Variants in UBE2W observed in about 807,000 individuals in gnomAD.
UBE2W encodes the protein ubiquitin conjugating enzyme E2 W, also known as ubiquitin-conjugating enzyme E2 W.
A neutral mutation model predicts 27.2 loss-of-function variants in UBE2W; 18 were observed. The ratio of observed to expected loss-of-function variants is 0.66; its 90% CI spans 0.46 to 0.98. The LOEUF is 0.98. Among genes scored for constraint, UBE2W ranks in the 50% least tolerant of loss-of-function variants. The pLI, the probability that UBE2W is intolerant of heterozygous loss-of-function variation, is 0.00. For synonymous variants in UBE2W, 53 were observed against 57.2 expected (o/e 0.93, Z 0.33); for missense variants, 90 against 180.2 (o/e 0.50, Z 2.87).
chr8:73,808,174 C>G (rs1808998179), intron 4 of UBE2W, among the ~76,000 whole-genome samples: 1 of 152,170 alleles, frequency 6.6e-6, no homozygotes, highest in South Asian at 2.1e-4. Context: ...ACCATGTCCA[C>G]TACGGAATAA....
At chr8:73,818,967 A>T (rs1408110178) in intron 3 of UBE2W, among the ~76,000 whole-genome samples, 1 of 152,206 alleles carries the variant, frequency 6.6e-6, no homozygotes, top group Non-Finnish European at 1.5e-5. Flanking sequence ...AGGTCTTTAT[A>T]GCAGTACAAA....
intron 1 of UBE2W, among the ~76,000 whole-genome samples, chr8:73,835,806 A>T (rs1810288104): frequency 6.6e-6 from 1 of 152,222 alleles, no homozygotes; most frequent in South Asian, 2.1e-4. Flanking sequence ...CTCTCAAATC[A>T]CTTGCTCTGG....
Position 73,793,058 on chromosome 8 carries a change from C to T in UBE2W, c.*1044G>A, listed in dbSNP as rs1808267628. On this transcript the variant is annotated 3_prime_UTR_variant, in exon 6 of 6. Transcript: ENST00000602593. The stretch of plus-strand genomic sequence containing the variant: ...AGTAAAGAAAATTTACAAGAAAAAA[C>T]TTAACAAAAGTTTCAATAAAAGTAT... 1.0e-6 allele frequency: 1 copy of T among 985,366 alleles called. No homozygotes were observed. The highest frequency in any genetic ancestry group is 1.7e-5 in the African/African-American group (1 of 57,198). 61.0% of individuals were successfully genotyped at this position (985,366 alleles called of 1,614,324 possible).
chr8:73,872,536 G>C (rs992265551), intron 1 of UBE2W, among the ~76,000 whole-genome samples: 10 of 152,090 alleles, frequency 6.6e-5, no homozygotes, highest in African/African-American at 2.4e-4. Flanking sequence ...TAGAGACATA[G>C]CAGTAACTGC....
chr8:73,780,203 C>T (rs1807816448), exon 5 of UBE2W: 1 of 175,212 alleles, frequency 5.7e-6, no homozygotes, highest in Admixed American at 5.8e-5. Flanking sequence ...TAGGGAAGAA[C>T]ATTTCCCTGC....
At chr8:73,865,464 T>G (rs147447854) in intron 1 of UBE2W, among the ~76,000 whole-genome samples, 202 of 152,168 alleles carry the variant, frequency 1.3e-3, no homozygotes, top group African/African-American at 4.7e-3. Flanking sequence ...ATACAAAAAT[T>G]AGCCAGGTGT....
intron 1 of UBE2W, among the ~76,000 whole-genome samples, chr8:73,838,957 G>A (rs1349437180): frequency 3.9e-5 from 6 of 152,152 alleles, no homozygotes; most frequent in African/African-American, 1.2e-4. Context: ...GAAACCTCTA[G>A]GGGGTATTTG....
At chr8:73,814,386 G>A (rs879648347) in intron 3 of UBE2W, among the ~76,000 whole-genome samples, 32 of 152,222 alleles carry the variant, frequency 2.1e-4, no homozygotes, top group South Asian at 1.0e-3. Context: ...TGGAGACCAC[G>A]GACATTCCTC....
chr8:73,873,433 C>T (rs894034248), intron 1 of UBE2W, among the ~76,000 whole-genome samples: 5 of 152,030 alleles, frequency 3.3e-5, no homozygotes, highest in African/African-American at 1.2e-4. Flanking sequence ...CCAAGGTGGG[C>T]CGATGGCTGA....
intron 1 of UBE2W, among the ~76,000 whole-genome samples, chr8:73,866,033 T>G (rs1199894239): frequency 6.6e-6 from 1 of 151,886 alleles, no homozygotes; most frequent in Non-Finnish European, 1.5e-5. Context: ...ATCCCACCAC[T>G]TTGGAAGGCC....
At chr8:73,828,242 A>G (rs557223700) in intron 2 of UBE2W, among the ~76,000 whole-genome samples, 44 of 152,288 alleles carry the variant, frequency 2.9e-4, no homozygotes, top group Non-Finnish European at 4.1e-4. Context: ...GTTCTTAATC[A>G]AAGACACAAC....
chr8:73,795,899 C>T (rs536305508), intron 5 of UBE2W: 337 of 352,946 alleles, frequency 9.5e-4, no homozygotes, highest in African/African-American at 7.0e-3. Flanking sequence ...CTAGGCAATA[C>T]GGCAAAATGT....
intron 1 of UBE2W, among the ~76,000 whole-genome samples, chr8:73,857,788 C>T (rs2130963800): frequency 6.6e-6 from 1 of 151,852 alleles, no homozygotes; most frequent in Non-Finnish European, 1.5e-5. Flanking sequence ...TGCACTCCAG[C>T]CTGGGTGACA....
At chr8:73,825,106 T>C (rs1215568779) in intron 3 of UBE2W, 41 bp downstream of exon 3, 2 of 1,303,678 alleles carry the variant, frequency 1.5e-6, no homozygotes, top group East Asian at 2.5e-5. Flanking sequence ...CATTTAGCTA[T>C]CTAAAAATAC....
At chr8:73,865,562 T>A (rs1224302614) in intron 1 of UBE2W, among the ~76,000 whole-genome samples, 1 of 152,196 alleles carries the variant, frequency 6.6e-6, no homozygotes, top group Non-Finnish European at 1.5e-5. Context: ...CAGTGAGCCG[T>A]GACGGCACTA....
At chr8:73,810,725 CAAAA>C in intron 3 of UBE2W, 96 bp from the exon 4 acceptor site, 1 of 975,222 alleles carries the variant, frequency 1.0e-6, no homozygotes. Flanking sequence ...TATAAAAAAA[CAAAA>C]AACCACCAAA....
At position 73,800,017 on chromosome 8, in the gene UBE2W, G is replaced by A. The variant is rs1018586297; in HGVS notation, c.442+5634C>T. On this transcript the variant is annotated intron_variant, in intron 5 of 5. Coordinates refer to ENST00000602593, the MANE Select transcript of UBE2W (RefSeq NM_018299.6). ...TTAATGTGTTATACTTTTTACAAGC[G>A]TATGATTATCTTTGTAAGATTACCC... Among the ~76,000 whole-genome samples the A allele has an allele frequency of 7.9e-5, 12 of 152,278 alleles. No homozygotes were observed. The East Asian group carries it at 1.7e-3, about 22-fold the overall frequency.
chr8:73,867,235 T>G (rs529098914), intron 1 of UBE2W, among the ~76,000 whole-genome samples: 15 of 151,068 alleles, frequency 9.9e-5, no homozygotes, highest in Non-Finnish European at 1.9e-4. Context: ...ACCCCATCTC[T>G]ACTAAAATAT....
chr8:73,792,495 A>G lies in UBE2W; in HGVS notation c.*1607T>C. ...ACAAAATGTCATCTATACAGATTAA[A>G]AACAATTTTAAAATATTATTTACCA... On this transcript the variant is annotated 3_prime_UTR_variant, in exon 6 of 6. Transcript: ENST00000602593. The G allele has an allele frequency of 1.0e-6, 1 of 985,238 alleles. No individual in the cohort carries two copies. Among genetic ancestry groups the G allele is most frequent in the South Asian group, 4.7e-5 (1 of 21,282 alleles). 61.0% of individuals were successfully genotyped at this position (985,238 alleles called of 1,614,324 possible).
Sources: gnomAD v4.1 joint callset for allele counts (sites outside exome capture counted in the v4.1 genomes callset) on GRCh38, gnomAD v4.1.1 for gene constraint, MANE v1.5 for transcripts, NCBI Gene and HGNC (gene_info 2026-07-23, HGNC 2026-07-21) for gene names.